Variants in SCLT1 observed in about 807,000 individuals in gnomAD.
SCLT1 encodes sodium channel and clathrin linker 1.
A neutral mutation model predicts 112.8 loss-of-function variants in SCLT1; 78 were observed. The observed-to-expected ratio is 0.69, with a 90% CI of 0.58 to 0.83. The LOEUF is 0.83. Among genes scored for constraint, SCLT1 ranks in the 40% least tolerant of loss-of-function variants. The pLI, the probability that SCLT1 is intolerant of heterozygous loss-of-function variation, is 0.00. For missense variants in SCLT1, 747 were observed against 770.4 expected (o/e 0.97, Z 0.36); for synonymous variants, 257 against 254.7 (o/e 1.01, Z -0.09).
At chr4:129,091,647 G>T (rs1031371921) in intron 1 of SCLT1, among the ~76,000 whole-genome samples, 14 of 152,078 alleles carry the variant, frequency 9.2e-5, no homozygotes, top group Non-Finnish European at 2.1e-4. Flanking sequence ...TGTCATTATA[G>T]TGTCATTAAT....
chr4:128,955,632 C>T (rs1326251527), intron 13 of SCLT1, among the ~76,000 whole-genome samples: 2 of 151,882 alleles, frequency 1.3e-5, no homozygotes, highest in African/African-American at 2.4e-5. Flanking sequence ...AAGGACATGC[C>T]GTGAATAATT....
At chr4:129,001,195 C>T (rs1057205904) in intron 6 of SCLT1, among the ~76,000 whole-genome samples, 2 of 151,930 alleles carry the variant, frequency 1.3e-5, no homozygotes, top group East Asian at 3.9e-4. Context: ...CAAAAATCAC[C>T]TAGACTAGTA....
chr4:128,960,040 C>T (rs1739548453), intron 11 of SCLT1, among the ~76,000 whole-genome samples: 1 of 152,126 alleles, frequency 6.6e-6, no homozygotes, highest in Non-Finnish European at 1.5e-5. Flanking sequence ...GAGACTAAGC[C>T]TGGATTTTCT....
At chr4:128,906,869 C>G (rs1734733218) in intron 18 of SCLT1, among the ~76,000 whole-genome samples, 2 of 152,050 alleles carry the variant, frequency 1.3e-5, no homozygotes, top group Non-Finnish European at 2.9e-5. Flanking sequence ...AGCTACTAGG[C>G]TTAAAATAGG....
intron 8 of SCLT1, among the ~76,000 whole-genome samples, chr4:128,992,951 T>C (rs1742702724): frequency 6.6e-6 from 1 of 152,014 alleles, no homozygotes; most frequent in South Asian, 2.1e-4. Context: ...TTATCCCTTT[T>C]CTTTATATAT....
intron 12 of SCLT1, among the ~76,000 whole-genome samples, chr4:128,957,419 C>CCTA (rs542864900): frequency 2.6e-5 from 4 of 151,934 alleles, no homozygotes; most frequent in Non-Finnish European, 5.9e-5. Context: ...TTTTCAAGTC[C>CCTA]CTATATAAAG....
intron 9 of SCLT1, among the ~76,000 whole-genome samples, chr4:128,974,701 C>T (rs183514155): frequency 6.6e-6 from 1 of 151,904 alleles, no homozygotes; most frequent in Admixed American, 6.6e-5. Flanking sequence ...AAGGAACTAA[C>T]AAAAATAATT....
chr4:129,065,762 T>G (rs573358026), intron 2 of SCLT1, among the ~76,000 whole-genome samples: 2 of 152,226 alleles, frequency 1.3e-5, no homozygotes, highest in Non-Finnish European at 2.9e-5. Context: ...AAGAGTGTAC[T>G]AAGTTTAAGT....
intron 18 of SCLT1, among the ~76,000 whole-genome samples, chr4:128,916,206 A>G (rs1177250571): frequency 1.3e-5 from 2 of 152,230 alleles, no homozygotes; most frequent in African/African-American, 4.8e-5. Context: ...AGGGATACTA[A>G]AATTCTGAAT....
At chr4:129,013,930 C>T (rs1012307741) in intron 5 of SCLT1, among the ~76,000 whole-genome samples, 3 of 152,138 alleles carry the variant, frequency 2.0e-5, no homozygotes, top group Non-Finnish European at 4.4e-5. Context: ...CTCCCCATGT[C>T]TTTCAGGGAT....
chr4:129,003,812 C>T lies in SCLT1; in HGVS notation c.355G>A (p.Val119Ile). The T allele has an allele frequency of 5.6e-6, 9 of 1,612,266 alleles. No homozygotes were observed. The highest frequency in any genetic ancestry group is 1.1e-5 in the South Asian group (1 of 90,898). ...KLEAFPLGTE[V>I]GTDIYADDET... The stretch of plus-strand genomic sequence containing the variant: ...TCATCTGCATATATGTCAGTTCCTA[C>T]CTCTGTGCCCAGGGGAAAGGCCTCC... Residue 119 changes from valine (V) to isoleucine (I), a missense_variant, in exon 6 of 21, where the codon GTA (valine) becomes ATA (isoleucine). Physicochemically the swap from Val to Ile is conservative, Grantham distance 29. This residue lies in a region of SCLT1 where 723 missense variants were observed against 721.3 expected (regional missense o/e 1.00). Coordinates refer to ENST00000281142, the MANE Select transcript of SCLT1 (RefSeq NM_144643.4).
chr4:128,948,637 T>A (rs1047736713), intron 14 of SCLT1, 67 bp from the exon 15 acceptor site: 51 of 1,155,310 alleles, frequency 4.4e-5, no homozygotes, highest in Non-Finnish European at 5.2e-5. Context: ...GGGGAAAAAT[T>A]ATAATTTGTT....
In SCLT1 at chr4:128,981,542, C is replaced by T. The variant is rs115230303; in HGVS notation, c.686+10625G>A. ...GATGGCCCCACCTGGACCTGCCAAC[C>T]GTTTCTGTGGCCCCTACCCAGGAAC... On this transcript the variant is annotated intron_variant, in intron 9 of 20. Transcript: ENST00000281142. Among the ~76,000 whole-genome samples, 880 of 152,100 alleles carry T rather than the reference C, an allele frequency of 5.8e-3. 7 individuals are homozygous for T. The highest frequency in any genetic ancestry group is 0.034 in the Middle Eastern group (10 of 292).
chr4:128,965,353 T>A (rs772949186), intron 10 of SCLT1, 35 bp from the exon 11 acceptor site: 6 of 1,360,882 alleles, frequency 4.4e-6, no homozygotes, highest in Non-Finnish European at 5.3e-6. Flanking sequence ...TTACTTTGAG[T>A]ATGTGAAAAT....
intron 5 of SCLT1, among the ~76,000 whole-genome samples, chr4:129,026,231 A>T (rs2126133429): frequency 6.6e-6 from 1 of 152,288 alleles, no homozygotes; most frequent in Non-Finnish European, 1.5e-5. Context: ...CTCCACCCCA[A>T]ATCAACAGAA....
chr4:129,064,440 T>C (rs989404966), intron 2 of SCLT1, among the ~76,000 whole-genome samples: 4 of 152,148 alleles, frequency 2.6e-5, no homozygotes, highest in Non-Finnish European at 5.9e-5. Flanking sequence ...CCCTCAAAAA[T>C]TGTATAGATT....
At chr4:129,040,736 C>T (rs1327033164) in intron 4 of SCLT1, among the ~76,000 whole-genome samples, 2 of 152,148 alleles carry the variant, frequency 1.3e-5, no homozygotes, top group Non-Finnish European at 2.9e-5. Flanking sequence ...TGCAGTGCTA[C>T]TTTTCCTGCT....
intron 5 of SCLT1, among the ~76,000 whole-genome samples, chr4:129,030,402 C>T (rs892297297): frequency 2.6e-5 from 4 of 152,044 alleles, no homozygotes; most frequent in Non-Finnish European, 4.4e-5. Context: ...ATTAAAATAA[C>T]TAGAGAAGCA....
At chr4:128,892,538 C>T (rs1162532739) in intron 18 of SCLT1, among the ~76,000 whole-genome samples, 1 of 152,130 alleles carries the variant, frequency 6.6e-6, no homozygotes, top group Non-Finnish European at 1.5e-5. Flanking sequence ...AATGAGCCAG[C>T]AAACAGCCTA....
Sources: gnomAD v4.1 joint callset for allele counts (sites outside exome capture counted in the v4.1 genomes callset) on GRCh38, gnomAD v4.1.1 for gene constraint, gnomAD v4.1.1 regional missense constraint, MANE v1.5 for transcripts, NCBI Gene and HGNC (gene_info 2026-07-23, HGNC 2026-07-21) for gene names.